Variants in GRTP1 observed in about 807,000 individuals in gnomAD.
The protein encoded by GRTP1 is growth hormone regulated TBC protein 1.
GRTP1 carries 56 observed loss-of-function variants against 38.1 expected under a neutral mutation model. The observed-to-expected ratio is 1.47, with a 90% CI of 1.19 to 1.84. GRTP1 has a LOEUF of 1.84. GRTP1 is among the 40% of genes most tolerant of loss of function. GRTP1 has a pLI of 0.00. For missense variants in GRTP1, 506 were observed against 453.9 expected (o/e 1.11, Z -1.04); for synonymous variants, 217 against 189.5 (o/e 1.14, Z -1.19).
At chr13:113,324,648 A>T in intron 7 of GRTP1, 71 bp from the exon 8 acceptor site, 1 of 1,379,726 alleles carries the variant, frequency 7.2e-7, no homozygotes, top group Non-Finnish European at 9.9e-7. Flanking sequence ...CCAGACTGGC[A>T]GGCAGGCAGA....
chr13:113,325,198 G>C (rs2042741454), intron 7 of GRTP1: 2 of 1,100,692 alleles, frequency 1.8e-6, no homozygotes, highest in South Asian at 3.8e-5. Flanking sequence ...GCTGCACCCA[G>C]AGTGGCCCCG....
In GRTP1 at chr13:113,325,789, C is replaced by G; in HGVS notation, c.793G>C (p.Val265Leu). The G allele has an allele frequency of 6.2e-7, 1 of 1,614,196 alleles. No individual in the cohort carries two copies. Reference protein sequence around the residue: ...FNEGSKIIFRVALTLIKQHQE... With the variant: ...FNEGSKIIFRLALTLIKQHQE... ...TGCTGCTTAATTAAGGTCAGGGCCA[C>G]CCGGAAGATAATCTTCGAGCCTTCG... Residue 265 changes from valine to leucine, a missense_variant, in exon 7 of 8, where the codon GTG becomes CTG. Val to Leu is a conservative substitution (Grantham distance 32). Transcript: ENST00000375431.
At chr13:113,326,633 T>C (rs775867354) in intron 5 of GRTP1, among the ~76,000 whole-genome samples, 3 of 151,992 alleles carry the variant, frequency 2.0e-5, no homozygotes, top group African/African-American at 4.8e-5. Context: ...ATCACACCAC[T>C]GCACTCCAGT....
rs1455919811 is a variant in GRTP1 at position 113,358,684 on chromosome 13, T to TA, written c.182-3204dup. 3.3e-5 allele frequency among the ~76,000 whole-genome samples: 5 copies of TA among 152,270 alleles called. No homozygotes were observed. In the East Asian group the frequency reaches 9.6e-4, roughly 29 times the overall value. On this transcript the variant is annotated intron_variant, in intron 2 of 7. Transcript: ENST00000375431. Reference sequence around the variant, plus strand: ...ACAAACAGAACCAATTGCTTTTTGATAAAGATGCAAAGGAAATTTAATGCA... The same window carrying TA: ...ACAAACAGAACCAATTGCTTTTTGATAAAAGATGCAAAGGAAATTTAATGCA...
At chr13:113,352,378 T>TTA (rs35762514) in intron 3 of GRTP1, among the ~76,000 whole-genome samples, 39,804 of 114,576 alleles carry the variant, frequency 0.35, 7,154 homozygotes, top group East Asian at 0.63. Context: ...ATATATATAT[T>TTA]TATATATATA....
intron 5 of GRTP1, among the ~76,000 whole-genome samples, chr13:113,336,555 C>T (rs1056880287): frequency 1.3e-5 from 2 of 151,912 alleles, no homozygotes; most frequent in African/African-American, 4.8e-5. Context: ...TGGTTGGGGG[C>T]GAGGTGAGGG....
intron 5 of GRTP1, chr13:113,339,750 T>C (rs907990971): frequency 7.9e-5 from 12 of 152,246 alleles, no homozygotes; most frequent in Non-Finnish European, 1.3e-4. Context: ...ATCTCTAGTG[T>C]TCTTCTTTCA....
In GRTP1 at chr13:113,324,308, C is replaced by A; in HGVS notation, c.*180G>T. The A allele has an allele frequency of 1.1e-6, 1 of 871,160 alleles. No individual in the cohort carries two copies. The highest frequency in any genetic ancestry group is 3.2e-5 in the South Asian group (1 of 31,608). 54.0% of individuals were successfully genotyped at this position (871,160 alleles called of 1,614,324 possible). Reference sequence around the variant, plus strand: ...TAAAAAGTATGACTTCATAGCTAATCATCAAAAGCTGGTAGAATGACCTGA... The same window carrying A: ...TAAAAAGTATGACTTCATAGCTAATAATCAAAAGCTGGTAGAATGACCTGA... On this transcript the variant is annotated 3_prime_UTR_variant, in exon 8 of 8. Coordinates refer to ENST00000375431, the MANE Select transcript of GRTP1 (RefSeq NM_024719.4).
chr13:113,333,874 T>TGTGTGTGCGTGC (rs33972835), intron 5 of GRTP1, among the ~76,000 whole-genome samples: 14 of 135,344 alleles, frequency 1.0e-4, no homozygotes, highest in African/African-American at 4.0e-4. Context: ...TGTGTGTGTG[T>TGTGTGTGCGTGC]CCGAGGCTGG....
chr13:113,362,040 T>C (rs2043508928), intron 2 of GRTP1, among the ~76,000 whole-genome samples: 2 of 152,122 alleles, frequency 1.3e-5, no homozygotes, highest in African/African-American at 4.8e-5. Flanking sequence ...TCCCAGCTAC[T>C]TGGGAGGCTG....
At chr13:113,363,466 A>T (rs1387623858) in intron 2 of GRTP1, among the ~76,000 whole-genome samples, 1 of 152,212 alleles carries the variant, frequency 6.6e-6, no homozygotes, top group East Asian at 1.9e-4. Context: ...CGGCCTCCCA[A>T]AGCGCTGGGA....
Position 113,324,275 on chromosome 13 carries a change from G to A in GRTP1, c.*213C>T, listed in dbSNP as rs1488386105. 1.6e-6 allele frequency: 1 copy of A among 607,320 alleles called. No individual in the cohort carries two copies. Among genetic ancestry groups the A allele is most frequent in the African/African-American group, 1.9e-5 (1 of 52,162 alleles). 37.6% of individuals were successfully genotyped at this position (607,320 alleles called of 1,614,324 possible). ...TTATTGATCTCTCAGGTAAAAATAAGTTTTCTTTAAAAAGTATGACTTCAT... is the reference window on the plus strand; with the variant it reads ...TTATTGATCTCTCAGGTAAAAATAAATTTTCTTTAAAAAGTATGACTTCAT... On this transcript the variant is annotated 3_prime_UTR_variant, in exon 8 of 8. Coordinates refer to ENST00000375431, the MANE Select transcript of GRTP1 (RefSeq NM_024719.4).
At chr13:113,337,766 G>C (rs1221210010) in intron 5 of GRTP1, among the ~76,000 whole-genome samples, 2 of 152,226 alleles carry the variant, frequency 1.3e-5, no homozygotes, top group Non-Finnish European at 2.9e-5. Flanking sequence ...GGCCACATGA[G>C]CACCACCCTC....
intron 5 of GRTP1, among the ~76,000 whole-genome samples, chr13:113,337,824 C>T (rs2042974563): frequency 6.6e-6 from 1 of 152,262 alleles, no homozygotes; most frequent in Non-Finnish European, 1.5e-5. Flanking sequence ...GCAGGAAACG[C>T]ACCTCCGATG....
intron 3 of GRTP1, among the ~76,000 whole-genome samples, chr13:113,353,332 A>C (rs1272283757): frequency 6.6e-6 from 1 of 152,266 alleles, no homozygotes; most frequent in Non-Finnish European, 1.5e-5. Context: ...CATGCCACCC[A>C]TAACAGCCGT....
intron 3 of GRTP1, among the ~76,000 whole-genome samples, chr13:113,352,507 G>A (rs2043305976): frequency 6.6e-6 from 1 of 151,034 alleles, no homozygotes; most frequent in African/African-American, 2.4e-5. Flanking sequence ...CTGAGTAGCT[G>A]AGACTACAGG....
chr13:113,333,239 G>A (rs565622683), intron 5 of GRTP1, among the ~76,000 whole-genome samples: 1 of 152,176 alleles, frequency 6.6e-6, no homozygotes, highest in Non-Finnish European at 1.5e-5. Context: ...CGCACAGACC[G>A]AAGGGGCCCA....
In GRTP1 at chr13:113,348,909, G is replaced by A. The variant is rs2043214863; in HGVS notation, c.465+1940C>T. On this transcript the variant is annotated intron_variant, in intron 4 of 7. Transcript: ENST00000375431. The surrounding 1 kb of genome is among the most constrained non-coding windows in gnomAD (Gnocchi z 4.8). ...CGTTTCCACTGTTTACCAGGCTGTGGCATTTCCTTAGGGGCCCACAGCAAG... is the reference window on the plus strand; with the variant it reads ...CGTTTCCACTGTTTACCAGGCTGTGACATTTCCTTAGGGGCCCACAGCAAG... 6.6e-6 allele frequency among the ~76,000 whole-genome samples: 1 copy of A among 152,166 alleles called. No individual in the cohort carries two copies. The highest frequency in any genetic ancestry group is 2.4e-5 in the African/African-American group (1 of 41,422).
intron 5 of GRTP1, chr13:113,339,777 C>G (rs1193606773): frequency 6.6e-6 from 1 of 152,192 alleles, no homozygotes; most frequent in Non-Finnish European, 1.5e-5. Context: ...CTTGGCTTGG[C>G]TTTGCCCTTG....
Sources: allele counts gnomAD v4.1 joint callset (sites outside exome capture counted in the v4.1 genomes callset), GRCh38; gene constraint gnomAD v4.1.1; non-coding constraint Gnocchi (gnomAD v3.1); transcripts MANE v1.5; gene names NCBI Gene and HGNC (gene_info 2026-07-23, HGNC 2026-07-21).